Variants in CES5A observed in about 807,000 individuals in gnomAD.
CES5A encodes carboxylesterase 5.
A neutral mutation model predicts 62.9 loss-of-function variants in CES5A; 67 were observed. The observed-to-expected ratio is 1.07, with a 90% CI of 0.88 to 1.31. CES5A has a LOEUF of 1.31. Ranked by LOEUF, CES5A falls within the 50% of genes most tolerant of loss-of-function variation. CES5A has a pLI of 0.00. For missense variants in CES5A, 748 were observed against 708.5 expected, an observed-to-expected ratio of 1.06 and a Z score of -0.63; for synonymous variants, 296 against 280.8, an observed-to-expected ratio of 1.05 and a Z score of -0.54.
At chr16:55,871,172 G>T (rs1386064283) in intron 3 of CES5A, among the ~76,000 whole-genome samples, 1 of 152,200 alleles carries the variant, frequency 6.6e-6, no homozygotes, top group Non-Finnish European at 1.5e-5. Flanking sequence ...CTAAAACATA[G>T]AACATGCCTT....
intron 2 of CES5A, among the ~76,000 whole-genome samples, chr16:55,942,295 G>A (rs564063281): frequency 2.1e-4 from 32 of 152,254 alleles, no homozygotes; most frequent in African/African-American, 5.8e-4. Context: ...AAACACAAAT[G>A]GGGAGAGGTT....
intron 1 of CES5A, among the ~76,000 whole-genome samples, chr16:55,882,019 T>C (rs2033766888): frequency 6.6e-6 from 1 of 152,122 alleles, no homozygotes; most frequent in Non-Finnish European, 1.5e-5. Flanking sequence ...GGCAGCCAAC[T>C]TGAATGTTGT....
At chr16:55,890,179 G>C (rs779441781) in intron 1 of CES5A, among the ~76,000 whole-genome samples, 4 of 151,780 alleles carry the variant, frequency 2.6e-5, no homozygotes, top group Non-Finnish European at 4.4e-5. Context: ...GGAAGGTAGA[G>C]AAAGGCAAAA....
intron 1 of CES5A, among the ~76,000 whole-genome samples, chr16:55,920,035 C>T (rs185067359): frequency 6.6e-6 from 1 of 152,240 alleles, no homozygotes; most frequent in African/African-American, 2.4e-5. Flanking sequence ...CACCACCCTT[C>T]CCCCACCAGC....
intron 2 of CES5A, among the ~76,000 whole-genome samples, chr16:55,944,896 T>G (rs1169552299): frequency 1.3e-5 from 2 of 152,204 alleles, no homozygotes; most frequent in African/African-American, 4.8e-5. Flanking sequence ...CCAGGGCCCA[T>G]GCTGGAGTAA....
chr16:55,877,482 A>T (rs1030225079), upstream of CES5A, among the ~76,000 whole-genome samples: 1 of 151,876 alleles, frequency 6.6e-6, no homozygotes, highest in Admixed American at 6.6e-5. Flanking sequence ...ATATATATAT[A>T]TATGACATGC....
intron 1 of CES5A, among the ~76,000 whole-genome samples, chr16:55,914,474 A>C (rs1037929081): frequency 8.5e-5 from 13 of 152,150 alleles, no homozygotes; most frequent in African/African-American, 2.7e-4. Context: ...CTGTATCCTG[A>C]GGCTACGCCA....
chr16:55,878,379 G>T, upstream of CES5A, among the ~76,000 whole-genome samples: 1 of 151,966 alleles, frequency 6.6e-6, no homozygotes, highest in East Asian at 1.9e-4. Flanking sequence ...AGGTCACCGG[G>T]CAATGCCCCA....
upstream of CES5A, among the ~76,000 whole-genome samples, chr16:55,875,554 G>T (rs1229906598): frequency 1.3e-5 from 2 of 152,224 alleles, no homozygotes; most frequent in Non-Finnish European, 1.5e-5. Context: ...AGAGACCCAA[G>T]GATGAATGAG....
chr16:55,905,700 G>C (rs1238300097), intron 1 of CES5A, among the ~76,000 whole-genome samples: 7 of 152,048 alleles, frequency 4.6e-5, no homozygotes, highest in African/African-American at 1.4e-4. Context: ...CCCACGCCCA[G>C]AGCAAGCCCC....
At chr16:55,881,023 T>C (rs1055125828) in intron 1 of CES5A, among the ~76,000 whole-genome samples, 1 of 152,168 alleles carries the variant, frequency 6.6e-6, no homozygotes, top group African/African-American at 2.4e-5. Flanking sequence ...CAGGGAATGA[T>C]TGAGACCCTG....
chr16:55,925,648 G>A (rs972527396), upstream of CES5A, among the ~76,000 whole-genome samples: 3 of 152,214 alleles, frequency 2.0e-5, no homozygotes, highest in South Asian at 2.1e-4. Flanking sequence ...TAAAGAAAAT[G>A]TGATATATAC....
chr16:55,933,784 T>C (rs1364867392), intron 2 of CES5A, among the ~76,000 whole-genome samples: 2 of 152,090 alleles, frequency 1.3e-5, no homozygotes, highest in Non-Finnish European at 2.9e-5. Context: ...GCAGCCAGAG[T>C]GATTCTGTTA....
rs140025871 is a variant in CES5A at position 55,935,616 on chromosome 16, C to A, written c.160+14169G>T. Among the ~76,000 whole-genome samples, 1,329 of 152,300 alleles carry A rather than the reference C, an allele frequency of 8.7e-3. 18 individuals are homozygous for A. Among genetic ancestry groups the A allele is most frequent in the African/African-American group, 0.03 (1,238 of 41,554 alleles). On this transcript the variant is annotated intron_variant, in intron 2 of 13. Coordinates refer to the CES5A transcript ENST00000521992. ...CCATCCTTCAAGGCCCAGTAAAGAA[C>A]CACCTCTTCCTACAAGCCTTCCACC...
chr16:55,876,080 C>G (rs762398742), upstream of CES5A, among the ~76,000 whole-genome samples: 3 of 152,182 alleles, frequency 2.0e-5, no homozygotes, highest in Non-Finnish European at 2.9e-5. Flanking sequence ...CTCTTATTTT[C>G]TAACAAATTG....
chr16:55,866,165 T>A (rs1398431212), intron 4 of CES5A, 49 bp from the exon 5 acceptor site: 1 of 1,570,556 alleles, frequency 6.4e-7, no homozygotes. Flanking sequence ...ATGGTGTGTT[T>A]CCCACAGCCC....
chr16:55,846,667 G>C lies in CES5A; in HGVS notation c.1512C>G (p.Asn504Lys). ...TFARTGNPNGNDLSLWPAYNL... is the reference protein window; with the variant it reads ...TFARTGNPNGKDLSLWPAYNL... ...TATAAGCTGGCCACAGAGACAGGTC[G>C]TTCCCATTAGGATTCCTAGAAGGGA... Residue 504 changes from asparagine to lysine, a missense_variant, in exon 13 of 13, where the codon AAC (asparagine) becomes AAG (lysine). Asn to Lys is a moderately conservative substitution (Grantham distance 94). Transcript: ENST00000290567. 6.2e-7 allele frequency: 1 copy of C among 1,614,044 alleles called. No individual in the cohort carries two copies. The highest frequency in any genetic ancestry group is 8.5e-7 in the Non-Finnish European group (1 of 1,179,960).
intron 9 of CES5A, among the ~76,000 whole-genome samples, chr16:55,856,083 G>A (rs1453216798): frequency 6.6e-6 from 1 of 152,112 alleles, no homozygotes; most frequent in Non-Finnish European, 1.5e-5. Context: ...CACCATGATT[G>A]TAAGTTTCCT....
At position 55,853,833 on chromosome 16, in the gene CES5A, C is replaced by T. The variant is rs541258191; in HGVS notation, c.1126-805G>A. On this transcript the variant is annotated intron_variant, in intron 9 of 12. Coordinates refer to ENST00000290567, the MANE Select transcript of CES5A (RefSeq NM_001143685.2). Reference sequence around the variant, plus strand: ...TCCATGAAGATTCAGGGATCCGGTGCTCTAGGAAATGCTGGAAAGGTGTTG... The same window carrying T: ...TCCATGAAGATTCAGGGATCCGGTGTTCTAGGAAATGCTGGAAAGGTGTTG... Among the ~76,000 whole-genome samples the T allele has an allele frequency of 9.2e-5, 14 of 152,276 alleles. No homozygotes were observed. The South Asian group carries it at 2.9e-3, about 32-fold the overall frequency.
Sources: allele counts gnomAD v4.1 joint callset (sites outside exome capture counted in the v4.1 genomes callset), GRCh38; gene constraint gnomAD v4.1.1; transcripts MANE v1.5; gene names NCBI Gene and HGNC (gene_info 2026-07-23, HGNC 2026-07-21).